The following SERINC2 variants were observed in gnomAD, a reference collection of about 807,000 sequenced individuals.
The protein encoded by SERINC2 is serine incorporator 2, also known as tumor differentially expressed protein 2.
In SERINC2, 56 loss-of-function variants were observed where a neutral mutation model predicts 54.2. That is an observed-to-expected ratio of 1.03 (90% CI 0.83 to 1.29). The LOEUF (loss-of-function observed/expected upper bound fraction) is 1.29. SERINC2 is among the 50% of genes most tolerant of loss of function. The probability of loss-of-function intolerance (pLI) is 0.00; values close to 1 mark genes in which losing one functional copy is unlikely to be tolerated. For synonymous variants in SERINC2, 272 were observed against 253.1 expected (o/e 1.07, Z -0.71); for missense variants, 614 against 607.4 (o/e 1.01, Z -0.12).
upstream of SERINC2, chr1:31,409,789 G>A (rs529976200): frequency 1.5e-5 from 23 of 1,547,578 alleles, no homozygotes; most frequent in East Asian, 7.3e-5. Context: ...TACAGACAGC[G>A]AAGCCCAAGG....
At position 31,425,374 on chromosome 1, in the gene SERINC2, G is replaced by A. The variant is rs1406111453; in HGVS notation, c.437G>A (p.Gly146Asp). The part of the protein sequence containing the change: ...KFLILVGLTV[G>D]AFYIPDGSFT... The stretch of plus-strand genomic sequence containing the variant: ...CTGATCCTGGTGGGCCTCACCGTGG[G>A]TGCCTTCTACATTCCTGACGGCTCC... The change falls in exon 4 of 10, where the codon GGT (glycine) becomes GAT (aspartate). Residue 146 changes from glycine (G) to aspartate (D), a missense_variant. Physicochemically the swap from Gly to Asp is moderately conservative, Grantham distance 94. Transcript: ENST00000373709. 6.2e-7 allele frequency: 1 copy of A among 1,613,432 alleles called. No individual in the cohort carries two copies. Among genetic ancestry groups the A allele is most frequent in the Non-Finnish European group, 8.5e-7 (1 of 1,179,476 alleles).
intron 5 of SERINC2, among the ~76,000 whole-genome samples, chr1:31,426,311 G>T (rs925521988): frequency 6.6e-6 from 1 of 152,162 alleles, no homozygotes; most frequent in South Asian, 2.1e-4. Context: ...GGCTCACCTG[G>T]GTGCTGTTTG....
At chr1:31,430,651 G>A (rs1553134320) in intron 8 of SERINC2, among the ~76,000 whole-genome samples, 1 of 152,178 alleles carries the variant, frequency 6.6e-6, no homozygotes, top group African/African-American at 2.4e-5. Flanking sequence ...ATAATATTGT[G>A]AACATTTGTA....
At chr1:31,432,906 G>A (rs1388818035) in intron 8 of SERINC2, 61 bp from the exon 9 acceptor site, 3 of 1,351,436 alleles carry the variant, frequency 2.2e-6, no homozygotes, top group African/African-American at 2.9e-5. Flanking sequence ...GACCATTTGT[G>A]TCCAGTGTTA....
chr1:31,429,518 C>A lies in SERINC2; in HGVS notation c.993C>A (p.Leu331=). 6.2e-7 allele frequency: 1 copy of A among 1,612,008 alleles called. No individual in the cohort carries two copies. The highest frequency in any genetic ancestry group is 8.5e-7 in the Non-Finnish European group (1 of 1,178,810). Residue 331 remains leucine, a synonymous_variant, in exon 8 of 10, where the codon CTC becomes CTA. Coordinates refer to ENST00000373709, the MANE Select transcript of SERINC2 (RefSeq NM_178865.5). ...APSIVGLIIF[L]LCTLFISLRS... ...GCATTGTGGGCCTCATCATCTTCCT[C>A]CTGTGCACCCTCTTCATCAGGTATG... is the stretch of plus-strand genomic sequence containing the variant.
intron 2 of SERINC2, 35 bp from the exon 3 acceptor site, chr1:31,424,648 G>C (rs782184981): frequency 6.5e-7 from 1 of 1,527,126 alleles, no homozygotes; most frequent in South Asian, 1.2e-5. Context: ...TCTGTGAGAG[G>C]TGGGGCTTTG....
At chr1:31,409,843 C>T (rs542715657), upstream of SERINC2, 65 of 1,557,160 alleles carry the variant, frequency 4.2e-5, no homozygotes, top group East Asian at 2.7e-4. Context: ...TCCTCATGGA[C>T]GGGAGGATGG....
intron 1 of SERINC2, among the ~76,000 whole-genome samples, chr1:31,421,276 G>A (rs1167540553): frequency 1.3e-5 from 2 of 151,668 alleles, no homozygotes; most frequent in Admixed American, 1.3e-4. Context: ...CAGCACCCCT[G>A]CTGCCATCTG....
chr1:31,416,033 A>G (rs1640773284), intron 1 of SERINC2: 2 of 432,800 alleles, frequency 4.6e-6, no homozygotes, highest in African/African-American at 4.3e-5. Flanking sequence ...CATCCTAGGG[A>G]GTGTGAAAGG....
chr1:31,415,204 A>G (rs1553132076), intron 1 of SERINC2, among the ~76,000 whole-genome samples: 1 of 152,162 alleles, frequency 6.6e-6, no homozygotes, highest in Non-Finnish European at 1.5e-5. Context: ...GCTTCTGCCC[A>G]CACCTTCCCT....
chr1:31,432,735 T>C (rs1001032151), intron 8 of SERINC2, among the ~76,000 whole-genome samples: 1 of 152,114 alleles, frequency 6.6e-6, no homozygotes, highest in African/African-American at 2.4e-5. Flanking sequence ...GGTACGATTA[T>C]CCCTTATTTT....
chr1:31,425,686 C>G, intron 4 of SERINC2, 90 bp from the exon 5 acceptor site: 2 of 1,465,560 alleles, frequency 1.4e-6, no homozygotes, highest in Admixed American at 1.8e-5. Context: ...TTCTCAGTGT[C>G]CCCGGTGCAG....
intron 6 of SERINC2, among the ~76,000 whole-genome samples, chr1:31,428,250 G>C (rs1641096732): frequency 6.6e-6 from 1 of 150,812 alleles, no homozygotes; most frequent in Admixed American, 6.6e-5. Context: ...ATGTTGGCCA[G>C]GCTGGTCTTG....
chr1:31,428,164 C>T (rs535237230), intron 6 of SERINC2, among the ~76,000 whole-genome samples: 38 of 152,224 alleles, frequency 2.5e-4, no homozygotes, highest in African/African-American at 8.4e-4. Context: ...CTCAGCCTCC[C>T]GAGTAGCTGG....
At chr1:31,422,436 A>G (rs1202534791) in intron 1 of SERINC2, among the ~76,000 whole-genome samples, 1 of 152,158 alleles carries the variant, frequency 6.6e-6, no homozygotes, top group Non-Finnish European at 1.5e-5. Flanking sequence ...AAATGCTGGT[A>G]TTACAGGTGT....
rs1284513396 is a variant in SERINC2, at chr1:31,424,572, G to A, written c.202-111G>A. The A allele has an allele frequency of 3.5e-6, 3 of 868,372 alleles. No homozygotes were observed. In the African/African-American group the frequency reaches 5.2e-5, roughly 15 times the overall value. 53.8% of individuals were successfully genotyped at this position (868,372 alleles called of 1,614,324 possible). A position where few individuals can be genotyped will look rare whatever the true frequency, so the allele number is the denominator to read the frequency against. On this transcript the variant is annotated intron_variant, in intron 2 of 9. Transcript: ENST00000373709. ...CCCTGTCTGGTCCAGCCCCTGCTGG[G>A]AGAGCCTCTTTCCTGGCCGGCCTTG...
Position 31,425,392 on chromosome 1 carries a change from A to G in SERINC2, c.455A>G (p.Asp152Gly). The G allele has an allele frequency of 1.2e-6, 2 of 1,611,276 alleles. No homozygotes were observed. Among genetic ancestry groups the G allele is most frequent in the South Asian group, 2.2e-5 (2 of 91,042 alleles). ...ACCGTGGGTGCCTTCTACATTCCTG[A>G]CGGCTCCTTCACCAACAGTAGGCGG... is the stretch of plus-strand genomic sequence containing the variant. ...GLTVGAFYIP[D>G]GSFTNIWFYF... Residue 152 changes from aspartate (D) to glycine (G), a missense_variant, in exon 4 of 10, where the codon GAC becomes GGC. Physicochemically the swap from Asp to Gly is moderately conservative, Grantham distance 94. Coordinates refer to ENST00000373709, the MANE Select transcript of SERINC2 (RefSeq NM_178865.5).
chr1:31,418,433 T>C (rs1010654761), intron 1 of SERINC2, among the ~76,000 whole-genome samples: 1 of 152,078 alleles, frequency 6.6e-6, no homozygotes, highest in African/African-American at 2.4e-5. Context: ...CTGGAGTGTA[T>C]TGGCGCGATT....
rs1193149872 is a variant in SERINC2 at position 31,425,687 on chromosome 1, C to T, written c.473-89C>T. The stretch of plus-strand genomic sequence containing the variant: ...CAGGGACTCTGTTCTTCTCAGTGTC[C>T]CCGGTGCAGGGTGTAGCAGAAAACG... On this transcript the variant is annotated intron_variant, in intron 4 of 9. Coordinates refer to ENST00000373709, the MANE Select transcript of SERINC2 (RefSeq NM_178865.5). The T allele has an allele frequency of 4.8e-6, 7 of 1,473,240 alleles. No individual in the cohort carries two copies. In the East Asian group the frequency reaches 1.1e-4, roughly 24 times the overall value. The allele number at this position is 1,473,240 out of a possible 1,614,324, so 91.3% of individuals were successfully genotyped here.
Sources: allele counts gnomAD v4.1 joint callset (sites outside exome capture counted in the v4.1 genomes callset), GRCh38; gene constraint gnomAD v4.1.1; transcripts MANE v1.5; gene names NCBI Gene and HGNC (gene_info 2026-07-23, HGNC 2026-07-21).